LRP1B: variants seen among roughly 807,000 people sequenced by gnomAD.
LRP1B encodes low-density lipoprotein receptor-related protein 1B.
LRP1B carries 217 observed loss-of-function variants against 556.6 expected under a neutral mutation model. The observed-to-expected ratio is 0.39, with a 90% confidence interval of 0.35 to 0.44. LRP1B has a LOEUF of 0.44. Ranked by LOEUF, LRP1B falls within the 20% of genes least tolerant of loss-of-function variation. The probability of loss-of-function intolerance (pLI) is 1.00; values close to 1 mark genes in which losing one functional copy is unlikely to be tolerated. For synonymous variants in LRP1B, 2,047 were observed against 1,865.8 expected (o/e 1.10, Z -2.50); for missense variants, 5,053 against 5,620.8 (o/e 0.90, Z 3.23).
intron 29 of LRP1B, among the ~76,000 whole-genome samples, chr2:140,844,901 C>G (rs1692228190): frequency 6.6e-6 from 1 of 152,072 alleles, no homozygotes; most frequent in Non-Finnish European, 1.5e-5. Context: ...ATTATAGAGA[C>G]AAATACTTGT....
chr2:140,805,615 T>C (rs1690686199), intron 32 of LRP1B, among the ~76,000 whole-genome samples: 1 of 152,312 alleles, frequency 6.6e-6, no homozygotes, highest in Non-Finnish European at 1.5e-5. Flanking sequence ...TTATTTGTAA[T>C]TTTTATGTTC....
chr2:142,130,789 C>A lies in LRP1B; in HGVS notation c.-60G>T. 2.2e-6 allele frequency: 3 copies of A among 1,336,934 alleles called. No individual in the cohort carries two copies. The highest frequency in any genetic ancestry group is 2.1e-6 in the Non-Finnish European group (2 of 946,864). The allele number at this position is 1,336,934 out of a possible 1,614,324, so 82.8% of individuals were successfully genotyped here. ...CTGCTCGGCGGCACCTTCGGCCCGG[C>A]GGCGGCGGCGGCGGCAGGGGCCGCT... is the stretch of plus-strand genomic sequence containing the variant. On this transcript the variant is annotated 5_prime_UTR_variant, in exon 1 of 91. Coordinates refer to ENST00000389484, the MANE Select transcript of LRP1B (RefSeq NM_018557.3).
chr2:140,420,014 G>GAA (rs76165653), intron 66 of LRP1B, among the ~76,000 whole-genome samples: 11 of 86,370 alleles, frequency 1.3e-4, no homozygotes, highest in South Asian at 4.0e-4. Flanking sequence ...TCATAAAAAA[G>GAA]AAAAAAAAAA....
chr2:140,573,390 T>C (rs1343749207), intron 43 of LRP1B, among the ~76,000 whole-genome samples: 2 of 151,922 alleles, frequency 1.3e-5, no homozygotes, highest in Non-Finnish European at 2.9e-5. Flanking sequence ...GAATTACTTG[T>C]CAGTGTTTAT....
At chr2:141,329,113 C>T (rs1687536359) in intron 3 of LRP1B, among the ~76,000 whole-genome samples, 1 of 152,108 alleles carries the variant, frequency 6.6e-6, no homozygotes, top group African/African-American at 2.4e-5. Flanking sequence ...GCTGACCAGG[C>T]ACAGTGGCTT....
chr2:141,291,905 C>T (rs1052964238), intron 3 of LRP1B, among the ~76,000 whole-genome samples: 1 of 115,860 alleles, frequency 8.6e-6, no homozygotes, highest in East Asian at 2.2e-4. Flanking sequence ...TTTGGGGTTA[C>T]AAAATTTGAC....
chr2:141,739,622 G>T lies in LRP1B; in HGVS notation c.205+70657C>A, dbSNP rs545840262. Among the ~76,000 whole-genome samples, 220 of 150,034 alleles carry T rather than the reference G, an allele frequency of 1.5e-3. 2 individuals are homozygous for T. The highest frequency in any genetic ancestry group is 5.2e-3 in the African/African-American group (211 of 40,898). On this transcript the variant is annotated intron_variant, in intron 2 of 90. Coordinates refer to ENST00000389484, the MANE Select transcript of LRP1B (RefSeq NM_018557.3). ...GTCTTCACTTGCGAAGTTGTTTAAA[G>T]AACTAAACTAATAATAGAAAGAAAG...
chr2:140,751,974 C>A (rs1451140548), intron 35 of LRP1B, among the ~76,000 whole-genome samples: 1 of 152,088 alleles, frequency 6.6e-6, no homozygotes, highest in African/African-American at 2.4e-5. Context: ...TTATAGACAG[C>A]ATTTTTTTTA....
At chr2:141,805,588 G>T (rs141118846) in intron 2 of LRP1B, 1 of 152,198 alleles carries the variant, frequency 6.6e-6, no homozygotes, top group Non-Finnish European at 1.5e-5. Flanking sequence ...CCTGAGCACA[G>T]ACCTGCCTCA....
At chr2:141,698,840 TG>T (rs2105458301) in intron 2 of LRP1B, among the ~76,000 whole-genome samples, 1 of 151,960 alleles carries the variant, frequency 6.6e-6, no homozygotes, top group South Asian at 2.1e-4. Flanking sequence ...TTTCTGCCCC[TG>T]CCCCACTCCT....
chr2:141,175,949 A>T (rs1406569541), intron 7 of LRP1B, among the ~76,000 whole-genome samples: 1 of 152,096 alleles, frequency 6.6e-6, no homozygotes, highest in Non-Finnish European at 1.5e-5. Context: ...AAATCATTTC[A>T]GAATTTTAGG....
chr2:141,933,666 C>A (rs1029064497), intron 1 of LRP1B, among the ~76,000 whole-genome samples: 4 of 152,146 alleles, frequency 2.6e-5, no homozygotes, highest in Non-Finnish European at 5.9e-5. Context: ...ATATTTCTTA[C>A]TGTGTAATCA....
chr2:141,520,705 A>G (rs892517862), intron 2 of LRP1B, among the ~76,000 whole-genome samples: 1 of 152,056 alleles, frequency 6.6e-6, no homozygotes, highest in African/African-American at 2.4e-5. Flanking sequence ...TTGTTGATAG[A>G]GCTTATAAAC....
At chr2:141,240,440 A>G (rs763051397) in intron 5 of LRP1B, among the ~76,000 whole-genome samples, 1 of 152,018 alleles carries the variant, frequency 6.6e-6, no homozygotes, top group Non-Finnish European at 1.5e-5. Context: ...ATAGTGATAT[A>G]CTTTTATATT....
intron 41 of LRP1B, among the ~76,000 whole-genome samples, chr2:140,634,950 A>C (rs867099897): frequency 6.6e-6 from 1 of 152,098 alleles, no homozygotes; most frequent in Admixed American, 6.6e-5. Flanking sequence ...AAAACTATGA[A>C]CTTTTGTCAA....
intron 35 of LRP1B, among the ~76,000 whole-genome samples, chr2:140,742,845 A>G (rs1337374030): frequency 6.6e-6 from 1 of 152,182 alleles, no homozygotes; most frequent in Non-Finnish European, 1.5e-5. Flanking sequence ...TCAAAATTAT[A>G]TAAGATAGCT....
chr2:140,796,431 C>A (rs1024083545), intron 32 of LRP1B, among the ~76,000 whole-genome samples: 27 of 151,948 alleles, frequency 1.8e-4, no homozygotes, highest in Admixed American at 1.5e-3. Flanking sequence ...AATTGCTGGA[C>A]GAGTATCACA....
chr2:140,648,340 T>C (rs1684558534), intron 41 of LRP1B, among the ~76,000 whole-genome samples: 1 of 152,006 alleles, frequency 6.6e-6, no homozygotes, highest in Admixed American at 6.6e-5. Context: ...CTAATGTAGA[T>C]GACGAGTTAA....
At chr2:141,734,919 T>G (rs747388558) in intron 2 of LRP1B, among the ~76,000 whole-genome samples, 2 of 152,180 alleles carry the variant, frequency 1.3e-5, no homozygotes, top group African/African-American at 4.8e-5. Context: ...AACTGAAGTC[T>G]GTAGAGACAT....
Sources: allele counts gnomAD v4.1 joint callset (sites outside exome capture counted in the v4.1 genomes callset), GRCh38; gene constraint gnomAD v4.1.1; transcripts MANE v1.5; gene names NCBI Gene and HGNC (gene_info 2026-07-23, HGNC 2026-07-21).